SYNPO: variants seen among roughly 807,000 people sequenced by gnomAD.
SYNPO encodes synaptopodin.
In SYNPO, 19 loss-of-function variants were observed where a neutral mutation model predicts 49.5. The observed-to-expected ratio is 0.38, with a 90% confidence interval of 0.27 to 0.56. SYNPO has a LOEUF of 0.56. SYNPO is among the 20% of genes least tolerant of loss of function. SYNPO has a pLI of 0.68. For missense variants in SYNPO, 1,131 were observed against 1,248.3 expected (o/e 0.91, Z 1.42); for synonymous variants, 536 against 548.0 (o/e 0.98, Z 0.31).
At chr5:150,632,392 GCATATT>G (rs1401824950) in intron 2 of SYNPO, among the ~76,000 whole-genome samples, 1 of 152,154 alleles carries the variant, frequency 6.6e-6, no homozygotes, top group East Asian at 1.9e-4. Context: ...AAAATCTATA[GCATATT>G]TTTCCTTCTC....
intron 1 of SYNPO, among the ~76,000 whole-genome samples, chr5:150,609,546 C>T (rs10476940): frequency 0.36 from 54,890 of 152,110 alleles, 10,638 homozygotes; most frequent in East Asian, 0.55. Flanking sequence ...CTGCCCACCT[C>T]GCCCTCCCAA....
In SYNPO at chr5:150,656,655, C is replaced by T; in HGVS notation, c.2280C>T (p.Asn760=). ...SRQLQALLAR[N]IINAARRKSA... is the part of the protein sequence containing the mutation. ...AGCTGCAGGCGCTTCTGGCGCGAAA[C>T]ATCATCAATGCGGCCCGGCGCAAGA... Residue 760 remains asparagine, a synonymous_variant, in exon 3 of 3, where the codon AAC becomes AAT. Coordinates refer to ENST00000307662, the MANE Select transcript of SYNPO (RefSeq NM_007286.6). 6.6e-7 allele frequency: 1 copy of T among 1,506,618 alleles called. No homozygotes were observed. Among genetic ancestry groups the T allele is most frequent in the Non-Finnish European group, 8.8e-7 (1 of 1,135,638 alleles). The allele number at this position is 1,506,618 out of a possible 1,614,324, so 93.3% of individuals were successfully genotyped here. A position where few individuals can be genotyped will look rare whatever the true frequency, so the allele number is the denominator to read the frequency against.
intron 2 of SYNPO, among the ~76,000 whole-genome samples, chr5:150,655,068 T>C (rs576231044): frequency 6.6e-6 from 1 of 152,314 alleles, no homozygotes; most frequent in East Asian, 1.9e-4. Context: ...GAAGTTGCGG[T>C]GAGCTGAGAT....
chr5:150,629,567 T>G (rs745352319), intron 2 of SYNPO, among the ~76,000 whole-genome samples: 7 of 151,962 alleles, frequency 4.6e-5, no homozygotes, highest in Non-Finnish European at 1.0e-4. Flanking sequence ...CACCATGGTG[T>G]CAAGGGTCAA....
chr5:150,637,545 T>C (rs1004415022), upstream of SYNPO, among the ~76,000 whole-genome samples: 2 of 152,172 alleles, frequency 1.3e-5, no homozygotes, highest in African/African-American at 4.8e-5. Context: ...TCCCAGCGCC[T>C]TCTTTGGCAG....
At chr5:150,655,842 G>C (rs1374213290) in intron 2 of SYNPO, among the ~76,000 whole-genome samples, 1 of 152,146 alleles carries the variant, frequency 6.6e-6, no homozygotes, top group African/African-American at 2.4e-5. Flanking sequence ...GTAGAGACAG[G>C]GTTTCTGCAT....
intron 2 of SYNPO, chr5:150,624,894 C>A (rs1282606988): frequency 2.0e-6 from 2 of 985,486 alleles, no homozygotes; most frequent in South Asian, 4.6e-5. Context: ...GGGGACCGTG[C>A]GCAGCGGCTG....
chr5:150,639,765 A>C (rs563967856), upstream of SYNPO, among the ~76,000 whole-genome samples: 1 of 152,312 alleles, frequency 6.6e-6, no homozygotes, highest in Non-Finnish European at 1.5e-5. Context: ...CATAGATTTC[A>C]TGTTTATTCT....
the SYNPO span, among the ~76,000 whole-genome samples, chr5:150,593,635 G>A: frequency 1.3e-5 from 2 of 152,112 alleles, no homozygotes; most frequent in African/African-American, 4.8e-5. Flanking sequence ...TAATTTTTGT[G>A]TTTTTGTAGA....
chr5:150,618,847 A>G, intron 2 of SYNPO: 1 of 1,497,196 alleles, frequency 6.7e-7, no homozygotes, highest in Middle Eastern at 1.7e-4. Context: ...GCTCCTGACC[A>G]TATTTTTCCA....
the SYNPO span, among the ~76,000 whole-genome samples, chr5:150,589,827 C>A: frequency 1.3e-5 from 2 of 152,246 alleles, no homozygotes; most frequent in Non-Finnish European, 2.9e-5. Flanking sequence ...TGAGCCCTTT[C>A]AAAGCCCCCA....
chr5:150,609,457 G>A (rs1756783504), intron 1 of SYNPO, among the ~76,000 whole-genome samples: 1 of 152,110 alleles, frequency 6.6e-6, no homozygotes, highest in African/African-American at 2.4e-5. Flanking sequence ...ACCACGCCCA[G>A]CTAATTTTTG....
rs3733928 is a variant in SYNPO at position 150,651,065 on chromosome 5, C to T, written c.2028+762C>T. ...GGCCCAGGCCTCAGCCCCAGTTCTA[C>T]CTGGCTTGCTGTCACCGCTCTAGGG... On this transcript the variant is annotated intron_variant, in intron 2 of 2. Coordinates refer to ENST00000307662, the MANE Select transcript of SYNPO (RefSeq NM_007286.6). 4.6e-5 allele frequency: 54 copies of T among 1,164,188 alleles called. No individual in the cohort carries two copies. The East Asian group carries it at 1.6e-3, about 34-fold the overall frequency. 72.1% of individuals were successfully genotyped at this position (1,164,188 alleles called of 1,614,324 possible). A position where few individuals can be genotyped will look rare whatever the true frequency, so the allele number is the denominator to read the frequency against.
chr5:150,634,041 G>A (rs749364066), intron 2 of SYNPO, among the ~76,000 whole-genome samples: 3 of 152,064 alleles, frequency 2.0e-5, no homozygotes, highest in Non-Finnish European at 2.9e-5. Flanking sequence ...GTCTTACTGT[G>A]TGAAAGTCTG....
rs546492760 is a variant in SYNPO, at chr5:150,640,718, G to A, written c.-469G>A. 21 of 985,638 alleles carry A rather than the reference G, an allele frequency of 2.1e-5. No individual in the cohort carries two copies. In the South Asian group the frequency reaches 8.5e-4, roughly 40 times the overall value. 61.1% of individuals were successfully genotyped at this position (985,638 alleles called of 1,614,324 possible). On this transcript the variant is annotated 5_prime_UTR_variant, in exon 1 of 3. It removes an upstream start codon present in the reference 5' UTR. Transcript: ENST00000307662. ...GAAAAGTCACATCCAGCTCCTTCAT[G>A]TTGCTGCCGATGTGGGATTTTCCTG...
At position 150,657,309 on chromosome 5, in the gene SYNPO, C is replaced by T. The variant is rs1758608342; in HGVS notation, c.*222C>T. The T allele has an allele frequency of 1.7e-6, 1 of 578,806 alleles. No homozygotes were observed. The highest frequency in any genetic ancestry group is 2.4e-5 in the South Asian group (1 of 42,416). The allele number at this position is 578,806 out of a possible 1,614,324, so 35.9% of individuals were successfully genotyped here. ...TGGGTAAGACCCTTCCTTGTTTGACCCTCAGCTTTCCCATCTGTTTAATGG... is the reference window on the plus strand; with the variant it reads ...TGGGTAAGACCCTTCCTTGTTTGACTCTCAGCTTTCCCATCTGTTTAATGG... On this transcript the variant is annotated 3_prime_UTR_variant, in exon 3 of 3. Coordinates refer to ENST00000307662, the MANE Select transcript of SYNPO (RefSeq NM_007286.6).
chr5:150,642,366 G>C (rs1006186711), intron 1 of SYNPO, among the ~76,000 whole-genome samples: 10 of 152,318 alleles, frequency 6.6e-5, no homozygotes, highest in Non-Finnish European at 1.0e-4. Flanking sequence ...GTCCAGGGTG[G>C]GTCTTTAAAG....
chr5:150,634,827 A>AACAC (rs202176402), intron 2 of SYNPO, among the ~76,000 whole-genome samples: 183 of 124,760 alleles, frequency 1.5e-3, no homozygotes, highest in East Asian at 6.0e-3. Context: ...CCCTGTCTAA[A>AACAC]ACACACACAC....
At chr5:150,645,317 A>G (rs1332747455) in intron 1 of SYNPO, among the ~76,000 whole-genome samples, 3 of 152,156 alleles carry the variant, frequency 2.0e-5, no homozygotes, top group Non-Finnish European at 4.4e-5. Flanking sequence ...CAGATTCCTC[A>G]AGAACTAATT....
Sources: allele counts gnomAD v4.1 joint callset (sites outside exome capture counted in the v4.1 genomes callset), GRCh38; gene constraint gnomAD v4.1.1; transcripts MANE v1.5; gene names NCBI Gene and HGNC (gene_info 2026-07-23, HGNC 2026-07-21).